Variants in RANBP2 observed in about 807,000 individuals in gnomAD.
RANBP2 encodes the protein RAN binding protein 2, also known as E3 SUMO-protein ligase RanBP2.
A neutral mutation model predicts 303.6 loss-of-function variants in RANBP2; 57 were observed. The ratio of observed to expected loss-of-function variants is 0.19; its 90% CI spans 0.15 to 0.23. The LOEUF is 0.23. RANBP2 is among the 10% of genes least tolerant of loss of function. The pLI is 1.00. For synonymous variants in RANBP2, 1,167 were observed against 1,301.5 expected, an observed-to-expected ratio of 0.90 and a Z score of 2.23; for missense variants, 3,138 against 3,780.8, an observed-to-expected ratio of 0.83 and a Z score of 4.46.
At chr2:109,110,602 A>T in the RANBP2 span, among the ~76,000 whole-genome samples, 1 of 152,208 alleles carries the variant, frequency 6.6e-6, no homozygotes, top group Non-Finnish European at 1.5e-5. Context: ...ATAAGTGTAG[A>T]ATCTTAGAGT....
At chr2:109,411,468 G>T in the RANBP2 span, among the ~76,000 whole-genome samples, 1 of 152,164 alleles carries the variant, frequency 6.6e-6, no homozygotes, top group South Asian at 2.1e-4. Flanking sequence ...TCAGTGGGAG[G>T]ACCCCTGACC....
the RANBP2 span, among the ~76,000 whole-genome samples, chr2:109,000,195 T>C: frequency 6.6e-6 from 1 of 152,168 alleles, no homozygotes; most frequent in African/African-American, 2.4e-5. Flanking sequence ...AATAATACAT[T>C]TGGATGTAGA....
At chr2:109,386,842 A>G in the RANBP2 span, among the ~76,000 whole-genome samples, 2 of 152,168 alleles carry the variant, frequency 1.3e-5, no homozygotes, top group Non-Finnish European at 2.9e-5. Flanking sequence ...AAAGACACCA[A>G]AGGCTCTTTA....
At chr2:109,449,369 A>G in the RANBP2 span, 1 of 1,608,746 alleles carries the variant, frequency 6.2e-7, no homozygotes, top group Admixed American at 1.7e-5. Flanking sequence ...CAGCCATCAC[A>G]CCTCCCAACG....
chr2:109,287,274 T>C, the RANBP2 span, among the ~76,000 whole-genome samples: 1 of 152,156 alleles, frequency 6.6e-6, no homozygotes, highest in African/African-American at 2.4e-5. Context: ...GTGTAGTGTT[T>C]TGTGGTCACA....
At chr2:109,415,445 C>T in the RANBP2 span, among the ~76,000 whole-genome samples, 3 of 152,172 alleles carry the variant, frequency 2.0e-5, no homozygotes, top group Non-Finnish European at 4.4e-5. Flanking sequence ...CTGCACAGGG[C>T]GAGTGCTACC....
chr2:109,259,439 G>C, the RANBP2 span, among the ~76,000 whole-genome samples: 4 of 152,262 alleles, frequency 2.6e-5, no homozygotes, highest in Admixed American at 2.6e-4. Context: ...GCTGGGTTGT[G>C]TGACGGTGGT....
the RANBP2 span, among the ~76,000 whole-genome samples, chr2:109,470,249 G>A: frequency 6.6e-6 from 1 of 152,304 alleles, no homozygotes; most frequent in African/African-American, 2.4e-5. Context: ...TCATCAATAA[G>A]TGATGGGAGT....
intron 4 of RANBP2, among the ~76,000 whole-genome samples, chr2:108,735,308 G>A (rs1206844882): frequency 1.3e-5 from 2 of 151,890 alleles, no homozygotes; most frequent in Admixed American, 6.6e-5. Flanking sequence ...GAGAGTATGA[G>A]CTACTGCAGT....
At chr2:109,545,009 A>C in the RANBP2 span, 1 of 985,470 alleles carries the variant, frequency 1.0e-6, no homozygotes, top group Non-Finnish European at 1.2e-6. Flanking sequence ...TTACTTCTCC[A>C]TATTTAAAAA....
the RANBP2 span, among the ~76,000 whole-genome samples, chr2:109,627,223 G>A: frequency 6.6e-6 from 1 of 152,158 alleles, no homozygotes; most frequent in Non-Finnish European, 1.5e-5. Flanking sequence ...TTGAGATGGG[G>A]TCTCGCTCTG....
the RANBP2 span, among the ~76,000 whole-genome samples, chr2:108,992,697 C>T: frequency 1.3e-5 from 2 of 152,206 alleles, no homozygotes; most frequent in East Asian, 1.9e-4. Context: ...TGTTTTTATG[C>T]TCATGGTGAC....
chr2:109,077,040 C>T, the RANBP2 span, among the ~76,000 whole-genome samples: 1 of 150,610 alleles, frequency 6.6e-6, no homozygotes, highest in South Asian at 2.1e-4. Context: ...GGCATAAAAA[C>T]AGACACAGAA....
At chr2:109,269,599 G>A in the RANBP2 span, among the ~76,000 whole-genome samples, 4 of 152,132 alleles carry the variant, frequency 2.6e-5, no homozygotes, top group Non-Finnish European at 5.9e-5. Flanking sequence ...TGGCCAACAC[G>A]GTGAAACCCC....
the RANBP2 span, among the ~76,000 whole-genome samples, chr2:109,332,399 C>T: frequency 1.2e-4 from 18 of 152,256 alleles, no homozygotes; most frequent in East Asian, 1.9e-3. Context: ...GACACTCCCG[C>T]GACTCCCCCA....
the RANBP2 span, among the ~76,000 whole-genome samples, chr2:109,696,870 TGG>T: frequency 6.6e-6 from 1 of 152,116 alleles, no homozygotes; most frequent in African/African-American, 2.4e-5. Context: ...CTCAAACTCC[TGG>T]GCTCAAGTGA....
the RANBP2 span, among the ~76,000 whole-genome samples, chr2:108,932,019 CT>C: frequency 6.6e-6 from 1 of 152,114 alleles, no homozygotes; most frequent in Admixed American, 6.5e-5. Flanking sequence ...TCCCTAAGAC[CT>C]TTCACCCTCA....
chr2:109,728,542 G>A, the RANBP2 span, among the ~76,000 whole-genome samples: 7 of 151,260 alleles, frequency 4.6e-5, no homozygotes, highest in East Asian at 3.9e-4. Context: ...AGCAACCTCC[G>A]CCTCCTGGGT....
the RANBP2 span, among the ~76,000 whole-genome samples, chr2:109,499,996 T>TA: frequency 6.6e-6 from 1 of 151,982 alleles, no homozygotes; most frequent in Non-Finnish European, 1.5e-5. Context: ...AGTGAAAAGT[T>TA]ACAGATGGTG....
Sources: allele counts gnomAD v4.1 joint callset (sites outside exome capture counted in the v4.1 genomes callset), GRCh38; gene constraint gnomAD v4.1.1; transcripts MANE v1.5; gene names NCBI Gene and HGNC (gene_info 2026-07-23, HGNC 2026-07-21).